Variants in MECR observed in about 807,000 individuals in gnomAD.
MECR encodes the protein mitochondrial trans-2-enoyl-CoA reductase.
A neutral mutation model predicts 49.1 loss-of-function variants in MECR; 37 were observed. That is an observed-to-expected ratio of 0.75 (90% CI 0.58 to 0.99). The LOEUF is 0.99. MECR is among the 50% of genes least tolerant of loss of function. MECR has a pLI of 0.00. For synonymous variants in MECR, 198 were observed against 191.1 expected (o/e 1.04, Z -0.30); for missense variants, 470 against 479.6 (o/e 0.98, Z 0.19).
downstream of MECR, among the ~76,000 whole-genome samples, chr1:29,189,235 C>A (rs1364758927): frequency 1.4e-5 from 2 of 143,954 alleles, no homozygotes; most frequent in African/African-American, 5.9e-5. Context: ...CTGTGTCTGG[C>A]GAATTTTTAT....
At chr1:29,206,584 T>C (rs1293025756) in intron 4 of MECR, among the ~76,000 whole-genome samples, 178 bp downstream of exon 4, 3 of 152,144 alleles carry the variant, frequency 2.0e-5, no homozygotes, top group African/African-American at 7.2e-5. Flanking sequence ...TTTCAGCATG[T>C]TTCCTAGGAA....
At chr1:29,197,158 C>T (rs1470632339) in intron 7 of MECR, among the ~76,000 whole-genome samples, 1 of 152,204 alleles carries the variant, frequency 6.6e-6, no homozygotes, top group African/African-American at 2.4e-5. Context: ...CTAACCCATC[C>T]AGTCAGGCTT....
chr1:29,171,225 T>TA, the MECR span: 1 of 151,702 alleles, frequency 6.6e-6, no homozygotes, highest in Admixed American at 6.6e-5. Context: ...GACAACATCA[T>TA]AAAAAATACC....
At chr1:29,202,702 C>T (rs1356200165) in intron 5 of MECR, among the ~76,000 whole-genome samples, 1 of 152,182 alleles carries the variant, frequency 6.6e-6, no homozygotes, top group African/African-American at 2.4e-5. Context: ...GCCCCTGTCT[C>T]CTTCACGTCT....
At chr1:29,176,087 C>A in the MECR span, among the ~76,000 whole-genome samples, 1 of 151,976 alleles carries the variant, frequency 6.6e-6, no homozygotes, top group Non-Finnish European at 1.5e-5. Context: ...CCTGTCTCTA[C>A]TAAAAATACA....
At chr1:29,181,909 A>AGC in the MECR span, 1 of 490,364 alleles carries the variant, frequency 2.0e-6, no homozygotes. Context: ...GCAGCTCGCG[A>AGC]GCGCGCGCTT....
the MECR span, among the ~76,000 whole-genome samples, chr1:29,175,037 C>T: frequency 6.6e-6 from 1 of 150,910 alleles, no homozygotes; most frequent in African/African-American, 2.4e-5. Flanking sequence ...CGTGCACATG[C>T]CCATACCTGT....
chr1:29,186,095 A>AG, the MECR span, among the ~76,000 whole-genome samples: 1 of 152,324 alleles, frequency 6.6e-6, no homozygotes, highest in East Asian at 1.9e-4. Flanking sequence ...AGCCCTCCAG[A>AG]GGGGAAATGC....
At chr1:29,230,700 C>T in intron 1 of MECR, 31 bp downstream of exon 1, 1 of 1,553,838 alleles carries the variant, frequency 6.4e-7, no homozygotes, top group Non-Finnish European at 8.7e-7. Flanking sequence ...AAACCCCAGT[C>T]CCCTTCCCCG....
At chr1:29,228,715 G>C (rs956795151) in intron 1 of MECR, among the ~76,000 whole-genome samples, 1 of 151,940 alleles carries the variant, frequency 6.6e-6, no homozygotes, top group Non-Finnish European at 1.5e-5. Flanking sequence ...CAAACAGACC[G>C]GTCTGTTCCA....
intron 1 of MECR, among the ~76,000 whole-genome samples, chr1:29,227,607 T>C (rs1040998880): frequency 6.6e-6 from 1 of 152,158 alleles, no homozygotes; most frequent in African/African-American, 2.4e-5. Context: ...TCCTCATTCC[T>C]TCCCTCCTGC....
At chr1:29,177,893 ATTTT>A in the MECR span, among the ~76,000 whole-genome samples, 47 of 93,620 alleles carry the variant, frequency 5.0e-4, no homozygotes, top group Non-Finnish European at 7.1e-4. Context: ...ATTACACAAG[ATTTT>A]TTTTTTTTTT....
the MECR span, among the ~76,000 whole-genome samples, chr1:29,179,764 G>T: frequency 6.6e-6 from 1 of 152,114 alleles, no homozygotes; most frequent in Non-Finnish European, 1.5e-5. Context: ...AGTTTAAAGC[G>T]AAAGCAAACA....
chr1:29,201,915 G>C lies in MECR; in HGVS notation c.756+28C>G, dbSNP rs753536762. ...TCTTCAGGGAGATGTGCGTGGACTG[G>C]AGGGGCAATGTCCCTCTTCCTAGGT... On this transcript the variant is annotated intron_variant, in intron 6 of 9. Transcript: ENST00000263702. The surrounding 1 kb of genome is among the most constrained non-coding windows in gnomAD (Gnocchi z 4.3). 5 of 1,542,158 alleles carry C rather than the reference G, an allele frequency of 3.2e-6. No homozygotes were observed. The highest frequency in any genetic ancestry group is 4.5e-6 in the Non-Finnish European group (5 of 1,114,806).
chr1:29,220,474 C>G (rs1366322174), intron 1 of MECR, among the ~76,000 whole-genome samples: 1 of 152,194 alleles, frequency 6.6e-6, no homozygotes, highest in East Asian at 1.9e-4. Flanking sequence ...GCTATTTGAA[C>G]TTGCTCTTCC....
chr1:29,194,099 G>T lies in MECR; in HGVS notation c.1045C>A (p.Pro349Thr). 1 of 1,614,176 alleles carries T rather than the reference G, an allele frequency of 6.2e-7. No individual in the cohort carries two copies. The highest frequency in any genetic ancestry group is 8.5e-7 in the Non-Finnish European group (1 of 1,180,018). ...AAGGCAGACTGGTAGTCCTGCAGCG[G>T]GACCTGGGAGCAGGCAGGGGCTGTG... ...QLTAPACSQV[P>T]LQDYQSALEA... is the part of the protein sequence containing the mutation. The change falls in exon 10 of 10, where the codon CCG (proline) becomes ACG (threonine). Residue 349 changes from proline to threonine, a missense_variant. Transcript: ENST00000263702.
chr1:29,177,435 C>T, the MECR span, among the ~76,000 whole-genome samples: 2 of 152,130 alleles, frequency 1.3e-5, no homozygotes, highest in Admixed American at 6.5e-5. Context: ...GCATGTGCCA[C>T]GACGCCCGGC....
rs200920712 is a variant in MECR at position 29,196,257 on chromosome 1, G to A, written c.832C>T (p.Arg278Cys). 2.0e-5 allele frequency: 33 copies of A among 1,611,246 alleles called. No homozygotes were observed. Among genetic ancestry groups the A allele is most frequent in the Non-Finnish European group, 2.5e-5 (29 of 1,178,120 alleles). ...SSTELLRQLA[R>C]GGTMVTYGGM... ...CCATAGGTTACCATGGTTCCTCCAC[G>A]CCTGAAAAGTCCAAAGAGAACAAAG... The change falls in exon 8 of 10, where the codon CGT becomes TGT. Residue 278 changes from arginine to cysteine, a missense_variant and splice_region_variant. By Grantham distance (180) the Arg-to-Cys change is radical. Transcript: ENST00000263702.
In MECR at chr1:29,203,199, T is replaced by A. The variant is rs764985449; in HGVS notation, c.585A>T (p.Gly195=). The A allele has an allele frequency of 2.5e-6, 4 of 1,583,662 alleles. No homozygotes were observed. The Admixed American group carries it at 7.0e-5, about 28-fold the overall frequency. ...DSVIQNASNS[G]VGQAVIQIAA... ...CGATCTGGATGACTGCTTGCCCCAC[T>A]CCGCTGTTGGATGCATTCTGGATGA... The change falls in exon 5 of 10, where the codon GGA becomes GGT. Residue 195 remains glycine, a synonymous_variant. Transcript: ENST00000263702.
Sources: gnomAD v4.1 joint callset for allele counts (sites outside exome capture counted in the v4.1 genomes callset) on GRCh38, gnomAD v4.1.1 for gene constraint, Gnocchi (gnomAD v3.1) non-coding constraint, MANE v1.5 for transcripts, NCBI Gene and HGNC (gene_info 2026-07-23, HGNC 2026-07-21) for gene names.